CPNE4: variants seen among roughly 807,000 people sequenced by gnomAD.
The protein encoded by CPNE4 is copine 4.
CPNE4 carries 25 observed loss-of-function variants against 67.9 expected under a neutral mutation model. The ratio of observed to expected loss-of-function variants is 0.37; its 90% CI spans 0.27 to 0.51. The LOEUF is 0.51. Ranked by LOEUF, CPNE4 falls within the 20% of genes least tolerant of loss-of-function variation. The pLI is 0.93. For synonymous variants in CPNE4, 242 were observed against 244.9 expected (o/e 0.99, Z 0.11); for missense variants, 464 against 690.8 (o/e 0.67, Z 3.68).
intron 11 of CPNE4, among the ~76,000 whole-genome samples, chr3:131,557,375 T>TCCCC (rs1263904103): frequency 6.6e-6 from 1 of 152,042 alleles, no homozygotes; most frequent in Non-Finnish European, 1.5e-5. Context: ...GCCCCACTAA[T>TCCCC]CCCCAGGCTG....
intron 7 of CPNE4, among the ~76,000 whole-genome samples, chr3:131,592,619 G>A (rs746709112): frequency 1.7e-4 from 25 of 149,044 alleles, no homozygotes; most frequent in Admixed American, 6.0e-4. Flanking sequence ...ATATATATGT[G>A]TGTGTATATA....
At chr3:131,749,603 CT>C (rs1163381216) in intron 2 of CPNE4, among the ~76,000 whole-genome samples, 1 of 151,932 alleles carries the variant, frequency 6.6e-6, no homozygotes, top group Non-Finnish European at 1.5e-5. Flanking sequence ...TCAATTCTTT[CT>C]GATTTTGTTT....
At chr3:131,810,190 G>C (rs1471934885) in intron 2 of CPNE4, among the ~76,000 whole-genome samples, 1 of 151,974 alleles carries the variant, frequency 6.6e-6, no homozygotes, top group Non-Finnish European at 1.5e-5. Context: ...GGCAATAAAA[G>C]TAATAAACAA....
chr3:131,883,795 T>G (rs1338755968), intron 2 of CPNE4, among the ~76,000 whole-genome samples: 1 of 152,246 alleles, frequency 6.6e-6, no homozygotes, highest in African/African-American at 2.4e-5. Flanking sequence ...ACTGTAGGCA[T>G]GATGTTGCAC....
At chr3:131,902,244 G>A (rs1381074) in intron 2 of CPNE4, among the ~76,000 whole-genome samples, 67,251 of 151,940 alleles carry the variant, frequency 0.44, 15,800 homozygotes, top group African/African-American at 0.59. Context: ...AAAGGAAGCC[G>A]TGAATCAATT....
chr3:131,743,626 A>G (rs1307549589), intron 2 of CPNE4, among the ~76,000 whole-genome samples: 1 of 152,222 alleles, frequency 6.6e-6, no homozygotes, highest in Non-Finnish European at 1.5e-5. Flanking sequence ...TCATCAATGT[A>G]ATTAATCACA....
At chr3:131,951,481 A>G (rs1479326545) in intron 1 of CPNE4, among the ~76,000 whole-genome samples, 1 of 151,930 alleles carries the variant, frequency 6.6e-6, no homozygotes, top group East Asian at 1.9e-4. Flanking sequence ...TTGCCTAGAG[A>G]TACTCCCCCT....
chr3:131,803,110 C>T (rs1259942950), intron 2 of CPNE4, among the ~76,000 whole-genome samples: 1 of 152,192 alleles, frequency 6.6e-6, no homozygotes, highest in African/African-American at 2.4e-5. Context: ...AGAAGAAATG[C>T]TTTGAAGCCA....
intron 2 of CPNE4, among the ~76,000 whole-genome samples, chr3:131,728,099 T>C (rs1201123462): frequency 6.6e-6 from 1 of 152,226 alleles, no homozygotes; most frequent in African/African-American, 2.4e-5. Flanking sequence ...TGCTTAACTT[T>C]TTAAGTTCTA....
intron 7 of CPNE4, among the ~76,000 whole-genome samples, chr3:131,658,379 A>T (rs1050097711): frequency 6.6e-6 from 1 of 152,078 alleles, no homozygotes; most frequent in South Asian, 2.1e-4. Context: ...TCTAAATTGC[A>T]TGGGGGTGGA....
chr3:131,838,240 G>T (rs1367432329), intron 2 of CPNE4, among the ~76,000 whole-genome samples: 1 of 151,808 alleles, frequency 6.6e-6, no homozygotes, highest in African/African-American at 2.4e-5. Flanking sequence ...AGACATTCAT[G>T]TTGACTCTTT....
At chr3:131,592,206 T>C (rs901120703) in intron 7 of CPNE4, among the ~76,000 whole-genome samples, 1 of 152,230 alleles carries the variant, frequency 6.6e-6, no homozygotes, top group Non-Finnish European at 1.5e-5. Flanking sequence ...TAGTGCGTAC[T>C]ATGTGCCAGA....
intron 2 of CPNE4, among the ~76,000 whole-genome samples, chr3:131,840,619 C>T (rs570167169): frequency 2.3e-4 from 35 of 152,200 alleles, no homozygotes; most frequent in African/African-American, 8.4e-4. Context: ...TCTTGGCAGC[C>T]CTTTGAGGAG....
At chr3:131,758,542 T>C (rs904996452) in intron 2 of CPNE4, among the ~76,000 whole-genome samples, 2 of 152,170 alleles carry the variant, frequency 1.3e-5, no homozygotes, top group Non-Finnish European at 2.9e-5. Context: ...TTGTCTCAGA[T>C]GAGACTTTGG....
At chr3:131,919,890 T>G (rs2070694902) in intron 1 of CPNE4, among the ~76,000 whole-genome samples, 1 of 152,008 alleles carries the variant, frequency 6.6e-6, no homozygotes, top group African/African-American at 2.4e-5. Flanking sequence ...TAGACAAAAT[T>G]TAATTAAAAG....
chr3:131,581,951 G>A (rs1377641463), intron 8 of CPNE4, among the ~76,000 whole-genome samples: 1 of 152,190 alleles, frequency 6.6e-6, no homozygotes, highest in Non-Finnish European at 1.5e-5. Flanking sequence ...GCAAAATGGA[G>A]CTTATAATTA....
intron 2 of CPNE4, among the ~76,000 whole-genome samples, chr3:131,771,695 C>T (rs1047109450): frequency 1.3e-5 from 2 of 152,126 alleles, no homozygotes; most frequent in Non-Finnish European, 1.5e-5. Context: ...TGTAAGTTAC[C>T]CAGCCTCAGG....
intron 2 of CPNE4, among the ~76,000 whole-genome samples, chr3:131,747,929 A>G (rs982759139): frequency 1.3e-5 from 2 of 152,002 alleles, no homozygotes; most frequent in African/African-American, 4.8e-5. Context: ...TTTGTTGCCT[A>G]TTTTGGAGGA....
At chr3:131,833,433 C>T (rs142330804) in intron 2 of CPNE4, among the ~76,000 whole-genome samples, 20 of 152,258 alleles carry the variant, frequency 1.3e-4, no homozygotes, top group African/African-American at 4.8e-4. Context: ...GTGATCCATG[C>T]CTGTAATCCC....
Sources: gnomAD v4.1 joint callset for allele counts (sites outside exome capture counted in the v4.1 genomes callset) on GRCh38, gnomAD v4.1.1 for gene constraint, MANE v1.5 for transcripts, NCBI Gene and HGNC (gene_info 2026-07-23, HGNC 2026-07-21) for gene names.